Variants in CEP152 observed in about 807,000 individuals in gnomAD.
CEP152 encodes the protein centrosomal protein of 152 kDa.
CEP152 carries 132 observed loss-of-function variants against 188.9 expected under a neutral mutation model. The ratio of observed to expected loss-of-function variants is 0.70; its 90% CI spans 0.61 to 0.81. The LOEUF (loss-of-function observed/expected upper bound fraction) is 0.81. CEP152 is among the 30% of genes least tolerant of loss of function. CEP152 has a pLI of 0.00. For missense variants in CEP152, 1,914 were observed against 1,969.8 expected, an observed-to-expected ratio of 0.97 and a Z score of 0.54; for synonymous variants, 649 against 666.6, an observed-to-expected ratio of 0.97 and a Z score of 0.41.
At chr15:48,765,754 C>T (rs1595635805) in intron 17 of CEP152, 4 of 341,312 alleles carry the variant, frequency 1.2e-5, no homozygotes, top group South Asian at 2.3e-5. Flanking sequence ...CCCGGGTTCA[C>T]GCCATTCTCC....
At chr15:48,807,770 C>T (rs1283624877) in intron 1 of CEP152, among the ~76,000 whole-genome samples, 1 of 152,106 alleles carries the variant, frequency 6.6e-6, no homozygotes, top group African/African-American at 2.4e-5. Flanking sequence ...CCTTTATTAA[C>T]CTGCCATCAA....
chr15:48,760,349 C>A, intron 18 of CEP152, 83 bp from the exon 19 acceptor site: 1 of 1,522,018 alleles, frequency 6.6e-7, no homozygotes, highest in South Asian at 1.1e-5. Flanking sequence ...ATTATGATTT[C>A]AGTATTTTAT....
intron 7 of CEP152, 31 bp from the exon 8 acceptor site, chr15:48,791,407 T>C (rs1156369009): frequency 6.3e-7 from 1 of 1,598,986 alleles, no homozygotes; most frequent in Admixed American, 1.7e-5. Context: ...ATATAAATAA[T>C]GTTCCTGTAG....
chr15:48,791,332 G>A lies in CEP152; in HGVS notation c.877C>T (p.Leu293Phe). 7 of 1,612,758 alleles carry A rather than the reference G, an allele frequency of 4.3e-6. No homozygotes were observed. The highest frequency in any genetic ancestry group is 5.9e-6 in the Non-Finnish European group (7 of 1,179,636). ...TCTCTTTCTTTTCCATTCTGAAAGAGTTTCTGTGATTCTCGAAGGCTGAGA... is the reference window on the plus strand; with the variant it reads ...TCTCTTTCTTTTCCATTCTGAAAGAATTTCTGTGATTCTCGAAGGCTGAGA... ...LTLSLRESQK[L>F]FQNGKEREIQ... Residue 293 changes from leucine (L) to phenylalanine (F), a missense_variant, in exon 8 of 27, where the codon CTC becomes TTC. Coordinates refer to ENST00000380950, the MANE Select transcript of CEP152 (RefSeq NM_001194998.2).
rs544364327 is a variant in CEP152 at position 48,761,430 on chromosome 15, G to A, written c.2562+961C>T. On this transcript the variant is annotated intron_variant, in intron 18 of 26. Transcript: ENST00000380950. ...ATAAAATTAAAATAACTACATAACGGATGTATCAAAGTCCAAGGAACTCTT... is the reference window on the plus strand; with the variant it reads ...ATAAAATTAAAATAACTACATAACGAATGTATCAAAGTCCAAGGAACTCTT... Among the ~76,000 whole-genome samples the A allele has an allele frequency of 3.3e-5, 5 of 152,276 alleles. No individual in the cohort carries two copies. In the South Asian group the frequency reaches 1.0e-3, roughly 32 times the overall value.
chr15:48,791,427 A>C, intron 7 of CEP152, 51 bp from the exon 8 acceptor site: 2 of 1,485,380 alleles, frequency 1.3e-6, no homozygotes, highest in Non-Finnish European at 1.9e-6. Flanking sequence ...GAGGGACCCC[A>C]ATGTCACAAT....
intron 2 of CEP152, among the ~76,000 whole-genome samples, chr15:48,732,615 C>A: frequency 6.8e-6 from 1 of 148,010 alleles, no homozygotes; most frequent in African/African-American, 2.5e-5. Flanking sequence ...CCATGGCACA[C>A]ATATACCTAG....
At position 48,744,340 on chromosome 15, in the gene CEP152, T is replaced by C; in HGVS notation, c.3735A>G (p.Ser1245=). Residue 1245 remains serine, a synonymous_variant, in exon 24 of 27, where the codon TCA becomes TCG. Coordinates refer to ENST00000380950, the MANE Select transcript of CEP152 (RefSeq NM_001194998.2). ...CATTTTCAATGGCCCCTGCTGACAA[T>C]GACCTAAAAAACAAACCAAAGATTA... ...LQTLCKTPPR[S]LSAGAIENAC... The C allele has an allele frequency of 6.2e-7, 1 of 1,613,958 alleles. No homozygotes were observed. The highest frequency in any genetic ancestry group is 8.5e-7 in the Non-Finnish European group (1 of 1,179,942).
At position 48,738,017 on chromosome 15, in the gene CEP152, A is replaced by C; in HGVS notation, c.*232T>G. The C allele has an allele frequency of 2.0e-6, 1 of 489,470 alleles. No individual in the cohort carries two copies. The highest frequency in any genetic ancestry group is 3.6e-6 in the Non-Finnish European group (1 of 280,780). The allele number at this position is 489,470 out of a possible 1,614,324, so 30.3% of individuals were successfully genotyped here. On this transcript the variant is annotated 3_prime_UTR_variant, in exon 27 of 27. Transcript: ENST00000380950. ...TTATAAGTATAAAAATAGATGGTTT[A>C]GAAACCAAAAATAAGCACCACACAA...
Position 48,748,490 on chromosome 15 carries a change from A to G in CEP152, c.3587T>C (p.Leu1196Pro), listed in dbSNP as rs1461770328. Residue 1196 changes from leucine to proline, a missense_variant, in exon 22 of 27, where the codon CTT becomes CCT. By Grantham distance (98) the Leu-to-Pro change is moderately conservative. Transcript: ENST00000380950. The stretch of plus-strand genomic sequence containing the variant: ...TTTGTGCTTCCTTTCTAAATGCTGA[A>G]GATGCCTACAGCATTTCTCCAGTTT... ...KGKLEKCCRH[L>P]QHLERKHKAV... The G allele has an allele frequency of 1.3e-6, 2 of 1,534,678 alleles. No homozygotes were observed. The highest frequency in any genetic ancestry group is 1.7e-6 in the Non-Finnish European group (2 of 1,146,236).
At chr15:48,766,504 C>T (rs1387384880) in intron 17 of CEP152, among the ~76,000 whole-genome samples, 1 of 152,178 alleles carries the variant, frequency 6.6e-6, no homozygotes, top group Non-Finnish European at 1.5e-5. Context: ...AGAATCTACT[C>T]TAGCCCCTCC....
At chr15:48,734,342 C>G (rs1892525020), downstream of CEP152, among the ~76,000 whole-genome samples, 1 of 149,808 alleles carries the variant, frequency 6.7e-6, no homozygotes, top group Admixed American at 6.7e-5. Context: ...GTGAAGTAGG[C>G]CGTAGTAAGT....
At chr15:48,751,409 T>C (rs1174289583) in intron 21 of CEP152, among the ~76,000 whole-genome samples, 1 of 152,138 alleles carries the variant, frequency 6.6e-6, no homozygotes, top group Non-Finnish European at 1.5e-5. Flanking sequence ...TCCACTGAAT[T>C]GGCAGTAAGA....
chr15:48,738,345 T>C lies in CEP152; in HGVS notation c.5037A>G (p.Pro1679=). The change falls in exon 27 of 27, where the codon CCA becomes CCG. Residue 1679 remains proline, a synonymous_variant. Transcript: ENST00000380950. ...TTGAAGGCTGCTGACACACTGAAGA[T>C]GGTAATGTACTGCTCAGTTTTTTGA... ...SDFKKLSSTL[P]SSVCQQPSRK... The C allele has an allele frequency of 6.2e-7, 1 of 1,614,174 alleles. No homozygotes were observed. Among genetic ancestry groups the C allele is most frequent in the East Asian group, 2.2e-5 (1 of 44,888 alleles).
rs869223881 is a variant in CEP152, at chr15:48,758,718, CAAAAAAAAA to C, written c.2694+1408_2694+1416del. Among the ~76,000 whole-genome samples the C allele has an allele frequency of 4.3e-5, 3 of 70,448 alleles. No homozygotes were observed. In the East Asian group the frequency reaches 1.4e-3, roughly 32 times the overall value. The allele number at this position is 70,448 out of a possible 152,430, so 46.2% of individuals were successfully genotyped here. On this transcript the variant is annotated intron_variant, in intron 19 of 26. Coordinates refer to ENST00000380950, the MANE Select transcript of CEP152 (RefSeq NM_001194998.2). The stretch of plus-strand genomic sequence containing the variant: ...TGGGAAACACAGCAAGACTCCATCT[CAAAAAAAAA>C]AAAAAAAAAAGGCAAATTCCCAGGA...
At chr15:48,772,112 T>C (rs549658985) in intron 13 of CEP152, among the ~76,000 whole-genome samples, 50 of 152,304 alleles carry the variant, frequency 3.3e-4, no homozygotes, top group African/African-American at 1.1e-3. Flanking sequence ...GGTTTATTAA[T>C]TTAAAAACAT....
At chr15:48,781,503 A>G in intron 11 of CEP152, 144 bp from the exon 12 acceptor site, 1 of 635,822 alleles carries the variant, frequency 1.6e-6, no homozygotes, top group South Asian at 2.0e-5. Context: ...TATACTTTAT[A>G]AAGGTCGGCA....
In CEP152 at chr15:48,752,413, G is replaced by T. The variant is rs1893940219; in HGVS notation, c.3402C>A (p.Asp1134Glu). 1.2e-6 allele frequency: 2 copies of T among 1,613,890 alleles called. No individual in the cohort carries two copies. Among genetic ancestry groups the T allele is most frequent in the African/African-American group, 1.3e-5 (1 of 75,016 alleles). Residue 1134 changes from aspartate to glutamate, a missense_variant, in exon 21 of 27, where the codon GAC becomes GAA. Coordinates refer to ENST00000380950, the MANE Select transcript of CEP152 (RefSeq NM_001194998.2). ...DSASQGTGQG[D>E]PGPAAGHHAQ... is the part of the protein sequence containing the mutation. ...CATGGTGTCCAGCAGCAGGTCCAGG[G>T]TCTCCTTGGCCAGTGCCCTGGCTGG...
chr15:48,752,850 G>A (rs78074892), intron 20 of CEP152, among the ~76,000 whole-genome samples: 5,006 of 152,240 alleles, frequency 0.033, 98 homozygotes, highest in Middle Eastern at 0.099. Context: ...CTACAGCAAG[G>A]AACAAGTTAA....
Sources: gnomAD v4.1 joint callset for allele counts (sites outside exome capture counted in the v4.1 genomes callset) on GRCh38, gnomAD v4.1.1 for gene constraint, MANE v1.5 for transcripts, NCBI Gene and HGNC (gene_info 2026-07-23, HGNC 2026-07-21) for gene names.